PARD3B: variants seen among roughly 807,000 people sequenced by gnomAD.
PARD3B encodes par-3 family cell polarity regulator beta.
PARD3B carries 103 observed loss-of-function variants against 130.2 expected under a neutral mutation model. The observed-to-expected ratio is 0.79, with a 90% CI of 0.67 to 0.93. The LOEUF is 0.93. Ranked by LOEUF, PARD3B falls within the 40% of genes least tolerant of loss-of-function variation. The probability of loss-of-function intolerance (pLI) is 0.00; values close to 1 mark genes in which losing one functional copy is unlikely to be tolerated. For synonymous variants in PARD3B, 583 were observed against 553.2 expected (o/e 1.05, Z -0.76); for missense variants, 1,609 against 1,499.2 (o/e 1.07, Z -1.21).
At chr2:205,597,048 T>G (rs2054596850) in intron 22 of PARD3B, among the ~76,000 whole-genome samples, 1 of 152,068 alleles carries the variant, frequency 6.6e-6, no homozygotes. Context: ...TTTTTTTTTT[T>G]AATTTTTATT....
chr2:204,592,243 A>C lies in PARD3B; in HGVS notation c.120+46124A>C, dbSNP rs114497536. Among the ~76,000 whole-genome samples the C allele has an allele frequency of 8.7e-3, 1,329 of 152,364 alleles. 22 individuals are homozygous for C. The highest frequency in any genetic ancestry group is 0.03 in the African/African-American group (1,263 of 41,590). On this transcript the variant is annotated intron_variant, in intron 1 of 22. Transcript: ENST00000406610. ...CTCACATTGTTAGCTCTGAGTAGTA[A>C]GGTGGCTGTCATTTTCCATGGAAAT... is the stretch of plus-strand genomic sequence containing the variant.
intron 10 of PARD3B, among the ~76,000 whole-genome samples, chr2:205,133,640 C>G (rs984391117): frequency 1.4e-4 from 22 of 152,148 alleles, no homozygotes; most frequent in African/African-American, 5.1e-4. Flanking sequence ...TGAAAAATGT[C>G]TTGTTCTGGG....
chr2:205,250,653 G>A lies in PARD3B; in HGVS notation c.2185+4831G>A, dbSNP rs183503908. On this transcript the variant is annotated intron_variant, in intron 16 of 22. Transcript: ENST00000406610. ...AATTTAAATACTTGATCTCAGCTGG[G>A]CATGGTGGCTCACACCTGTAATCCC... Among the ~76,000 whole-genome samples, 805 of 152,268 alleles carry A rather than the reference G, an allele frequency of 5.3e-3. 3 individuals carry two copies. The highest frequency in any genetic ancestry group is 0.048 in the Middle Eastern group (14 of 294).
chr2:204,957,213 A>T (rs1690330400), intron 2 of PARD3B, among the ~76,000 whole-genome samples: 1 of 152,210 alleles, frequency 6.6e-6, no homozygotes, highest in Non-Finnish European at 1.5e-5. Flanking sequence ...AGATGGGTTT[A>T]ATGTGTATCT....
chr2:205,194,163 G>A (rs1007930751), intron 15 of PARD3B, among the ~76,000 whole-genome samples: 8 of 152,090 alleles, frequency 5.3e-5, no homozygotes, highest in African/African-American at 1.9e-4. Context: ...TTTTCTCAAG[G>A]CATATTATAT....
intron 18 of PARD3B, among the ~76,000 whole-genome samples, chr2:205,399,054 A>C (rs1313760359): frequency 6.6e-6 from 1 of 152,086 alleles, no homozygotes; most frequent in African/African-American, 2.4e-5. Context: ...AGATCAGCTG[A>C]GTTCAGGAGT....
At chr2:204,654,849 C>T (rs1317112756) in intron 1 of PARD3B, among the ~76,000 whole-genome samples, 2 of 152,068 alleles carry the variant, frequency 1.3e-5, no homozygotes, top group Non-Finnish European at 2.9e-5. Context: ...GCAAGTTTAT[C>T]CTCTAAAGAA....
intron 21 of PARD3B, among the ~76,000 whole-genome samples, chr2:205,551,475 G>A (rs2052644856): frequency 6.6e-6 from 1 of 151,596 alleles, no homozygotes; most frequent in Non-Finnish European, 1.5e-5. Flanking sequence ...GTCTGTGATT[G>A]CTTTAAAGAT....
chr2:204,627,742 C>T (rs2034535795), intron 1 of PARD3B, among the ~76,000 whole-genome samples: 1 of 152,150 alleles, frequency 6.6e-6, no homozygotes, highest in South Asian at 2.1e-4. Flanking sequence ...TGATGGGAAC[C>T]TGGAATTCAA....
chr2:205,349,474 A>AT (rs2043913452), intron 18 of PARD3B, among the ~76,000 whole-genome samples: 1 of 152,138 alleles, frequency 6.6e-6, no homozygotes. Flanking sequence ...TTCATCAATA[A>AT]TTTTTTTCAA....
At chr2:204,726,232 T>C (rs529755649) in intron 2 of PARD3B, among the ~76,000 whole-genome samples, 11 of 152,304 alleles carry the variant, frequency 7.2e-5, no homozygotes, top group African/African-American at 2.6e-4. Context: ...TGAAGAGTAA[T>C]GCAATTTTAA....
intron 2 of PARD3B, among the ~76,000 whole-genome samples, chr2:204,805,646 G>A (rs1400948738): frequency 2.0e-5 from 3 of 152,040 alleles, no homozygotes; most frequent in Non-Finnish European, 4.4e-5. Context: ...GATGAACATT[G>A]ATGAAAAAGT....
chr2:204,891,854 A>T (rs574206408), intron 2 of PARD3B, among the ~76,000 whole-genome samples: 2 of 152,182 alleles, frequency 1.3e-5, no homozygotes, highest in South Asian at 4.2e-4. Context: ...CTGTTCTGGT[A>T]CCCCTGGCTC....
chr2:204,793,911 T>C (rs2042280122), intron 2 of PARD3B, among the ~76,000 whole-genome samples: 1 of 152,234 alleles, frequency 6.6e-6, no homozygotes, highest in African/African-American at 2.4e-5. Flanking sequence ...CTGAATAGTC[T>C]CATAGAGAGG....
intron 2 of PARD3B, among the ~76,000 whole-genome samples, chr2:204,734,856 C>T (rs1487574322): frequency 1.3e-5 from 2 of 151,970 alleles, no homozygotes; most frequent in Non-Finnish European, 2.9e-5. Flanking sequence ...AAAACTCAAA[C>T]TTTACCACTG....
At chr2:204,932,032 C>T (rs756898658) in intron 2 of PARD3B, among the ~76,000 whole-genome samples, 6 of 152,062 alleles carry the variant, frequency 3.9e-5, no homozygotes, top group Non-Finnish European at 8.8e-5. Flanking sequence ...CCTTTGTCTA[C>T]ATTTGCCGAA....
At chr2:204,804,485 C>T (rs1487098452) in intron 2 of PARD3B, among the ~76,000 whole-genome samples, 1 of 151,996 alleles carries the variant, frequency 6.6e-6, no homozygotes, top group Non-Finnish European at 1.5e-5. Context: ...AGTGGAGCAC[C>T]CGGATATATA....
At chr2:205,056,303 C>T (rs1019614321) in intron 4 of PARD3B, among the ~76,000 whole-genome samples, 2 of 151,750 alleles carry the variant, frequency 1.3e-5, no homozygotes, top group Admixed American at 1.3e-4. Context: ...ATTGTACAGA[C>T]GTTTAAAAGA....
intron 2 of PARD3B, among the ~76,000 whole-genome samples, chr2:204,801,674 C>T (rs2042575160): frequency 6.6e-6 from 1 of 152,164 alleles, no homozygotes; most frequent in Non-Finnish European, 1.5e-5. Flanking sequence ...GACTTCCTCT[C>T]TTCCTATTTG....
Sources: gnomAD v4.1 joint callset for allele counts (sites outside exome capture counted in the v4.1 genomes callset) on GRCh38, gnomAD v4.1.1 for gene constraint, MANE v1.5 for transcripts, NCBI Gene and HGNC (gene_info 2026-07-23, HGNC 2026-07-21) for gene names.